The following GRIK2 variants were observed in gnomAD, a reference collection of about 807,000 sequenced individuals.
GRIK2 encodes the protein glutamate receptor ionotropic, kainate 2.
Under a neutral mutation model 100.3 loss-of-function variants are expected in GRIK2, and 32 were observed. The observed-to-expected ratio is 0.32, with a 90% confidence interval of 0.24 to 0.43. The LOEUF (loss-of-function observed/expected upper bound fraction) is 0.43, where lower values mean the gene tolerates loss of function less well. Ranked by LOEUF, GRIK2 falls within the 20% of genes least tolerant of loss-of-function variation. GRIK2 has a pLI of 1.00. For missense variants in GRIK2, 843 were observed against 1,114.9 expected, an observed-to-expected ratio of 0.76 and a Z score of 3.47; for synonymous variants, 417 against 389.4, an observed-to-expected ratio of 1.07 and a Z score of -0.83.
At chr6:101,985,940 T>TAATG (rs1793993729) in intron 14 of GRIK2, among the ~76,000 whole-genome samples, 1 of 151,768 alleles carries the variant, frequency 6.6e-6, no homozygotes, top group African/African-American at 2.4e-5. Flanking sequence ...GAAAATAATA[T>TAATG]AATGTAATAT....
rs182829950 is a variant in GRIK2 at position 101,564,341 on chromosome 6, C to G, written c.116-57608C>G. Among the ~76,000 whole-genome samples the G allele has an allele frequency of 2.6e-5, 4 of 152,282 alleles. No homozygotes were observed. The East Asian group carries it at 5.8e-4, about 22-fold the overall frequency. On this transcript the variant is annotated intron_variant, in intron 2 of 16. Coordinates refer to ENST00000369134, the MANE Select transcript of GRIK2 (RefSeq NM_021956.5). ...AACACTTCTGTAAAAACTTGGGACACTTTCCTACTTCTTCACAGCAAAATT... is the reference window on the plus strand; with the variant it reads ...AACACTTCTGTAAAAACTTGGGACAGTTTCCTACTTCTTCACAGCAAAATT...
At chr6:102,048,102 C>T (rs905023339) in intron 15 of GRIK2, among the ~76,000 whole-genome samples, 7 of 150,760 alleles carry the variant, frequency 4.6e-5, no homozygotes, top group Non-Finnish European at 3.0e-5. Flanking sequence ...TCAAGAACAC[C>T]CAATGGAAAA....
At chr6:101,527,515 G>C (rs776110987) in intron 2 of GRIK2, among the ~76,000 whole-genome samples, 2 of 152,172 alleles carry the variant, frequency 1.3e-5, no homozygotes, top group Non-Finnish European at 2.9e-5. Context: ...TCAATTTTCA[G>C]TTAAAAACGG....
At chr6:101,802,727 A>G (rs55846400) in intron 9 of GRIK2, among the ~76,000 whole-genome samples, 110 of 152,072 alleles carry the variant, frequency 7.2e-4, no homozygotes, top group Middle Eastern at 3.4e-3. Context: ...TATAGCAATT[A>G]GAAAATATTT....
Position 101,490,928 on chromosome 6 carries a change from C to A in GRIK2, c.115+91536C>A, listed in dbSNP as rs996085906. 1.5e-4 allele frequency among the ~76,000 whole-genome samples: 21 copies of A among 138,960 alleles called. 2 individuals are homozygous for A. The highest frequency in any genetic ancestry group is 5.5e-4 in the African/African-American group (20 of 36,468). 91.2% of individuals were successfully genotyped at this position (138,960 alleles called of 152,430 possible). ...GATGATGGAGGGAATAACAGACATG[C>A]ATGCGTGCACATACACACACACCTT... On this transcript the variant is annotated intron_variant, in intron 2 of 16. Transcript: ENST00000369134.
chr6:102,035,702 T>C, intron 15 of GRIK2, 136 bp downstream of exon 15: 1 of 579,810 alleles, frequency 1.7e-6, no homozygotes, highest in Non-Finnish European at 3.2e-6. Context: ...TCTGATTGTA[T>C]AAAAGCAGGT....
chr6:101,756,364 A>C (rs1777134146), intron 7 of GRIK2, among the ~76,000 whole-genome samples: 1 of 79,942 alleles, frequency 1.3e-5, no homozygotes, highest in African/African-American at 7.3e-5. Context: ...TTAGAAAATT[A>C]AGTTTCTTAT....
At chr6:101,849,855 C>T (rs1218446462) in intron 10 of GRIK2, among the ~76,000 whole-genome samples, 3 of 6,476 alleles carry the variant, frequency 4.6e-4, no homozygotes, top group Non-Finnish European at 7.9e-4. Context: ...ACCCTATGTT[C>T]ATTAAGGAAA....
Position 101,697,581 on chromosome 6 carries a change from G to A in GRIK2, c.951+11228G>A, listed in dbSNP as rs191968196. Among the ~76,000 whole-genome samples the A allele has an allele frequency of 2.7e-3, 414 of 152,030 alleles. 8 individuals are homozygous for A. The highest frequency in any genetic ancestry group is 0.023 in the Admixed American group (356 of 15,204). Reference sequence around the variant, plus strand: ...TTTTTTCTCAATGTCAGATCATTTCGTTTTTAAGTTAAAAAGATGGCTTGT... The same window carrying A: ...TTTTTTCTCAATGTCAGATCATTTCATTTTTAAGTTAAAAAGATGGCTTGT... On this transcript the variant is annotated intron_variant, in intron 7 of 16. Coordinates refer to ENST00000369134, the MANE Select transcript of GRIK2 (RefSeq NM_021956.5).
At chr6:101,798,630 C>T (rs1327882575) in intron 7 of GRIK2, among the ~76,000 whole-genome samples, 1 of 151,772 alleles carries the variant, frequency 6.6e-6, no homozygotes, top group East Asian at 1.9e-4. Flanking sequence ...CTACAGGGTT[C>T]CTATTCATTT....
At chr6:101,955,654 G>A (rs899078368) in intron 14 of GRIK2, among the ~76,000 whole-genome samples, 4 of 139,672 alleles carry the variant, frequency 2.9e-5, no homozygotes, top group Admixed American at 7.4e-5. Context: ...GGTAGTTTGT[G>A]TTTTTTAAGG....
chr6:101,466,099 A>G (rs1298522876), intron 2 of GRIK2, among the ~76,000 whole-genome samples: 2 of 152,118 alleles, frequency 1.3e-5, no homozygotes, highest in Non-Finnish European at 2.9e-5. Context: ...GTTGTTTCCA[A>G]AATATTTCCT....
At chr6:101,552,077 GT>G (rs1215333939) in intron 2 of GRIK2, among the ~76,000 whole-genome samples, 1 of 152,080 alleles carries the variant, frequency 6.6e-6, no homozygotes, top group Non-Finnish European at 1.5e-5. Context: ...TGCATGTGTA[GT>G]TTTTTTCAGT....
chr6:101,873,832 T>A (rs1425081449), intron 11 of GRIK2, among the ~76,000 whole-genome samples: 9 of 152,108 alleles, frequency 5.9e-5, no homozygotes, highest in Admixed American at 5.9e-4. Context: ...TGATTTGCAT[T>A]TCTCTGATGG....
intron 7 of GRIK2, among the ~76,000 whole-genome samples, chr6:101,751,828 C>T (rs760391244): frequency 4.6e-5 from 7 of 152,194 alleles, no homozygotes; most frequent in Non-Finnish European, 1.0e-4. Flanking sequence ...AAAATTACTT[C>T]ATAGATGATA....
intron 7 of GRIK2, among the ~76,000 whole-genome samples, chr6:101,779,651 C>T (rs1436802442): frequency 6.6e-6 from 1 of 152,128 alleles, no homozygotes; most frequent in Non-Finnish European, 1.5e-5. Context: ...GCAGGTAGGG[C>T]TGCATTTAGC....
chr6:101,640,907 T>C (rs374989573), intron 4 of GRIK2, among the ~76,000 whole-genome samples: 2 of 152,170 alleles, frequency 1.3e-5, no homozygotes, highest in Non-Finnish European at 2.9e-5. Context: ...AGGCATCATT[T>C]TGTATGTAAA....
chr6:101,602,359 T>C (rs1438141482), intron 2 of GRIK2, among the ~76,000 whole-genome samples: 1 of 151,406 alleles, frequency 6.6e-6, no homozygotes, highest in African/African-American at 2.4e-5. Context: ...ATGTGTTTGG[T>C]CTTAGAGTAT....
At chr6:102,006,544 T>C (rs556417950) in intron 14 of GRIK2, among the ~76,000 whole-genome samples, 1 of 151,846 alleles carries the variant, frequency 6.6e-6, no homozygotes, top group East Asian at 1.9e-4. Flanking sequence ...ATTTTTGTAT[T>C]TTTTATAGAG....
Sources: gnomAD v4.1 joint callset for allele counts (sites outside exome capture counted in the v4.1 genomes callset) on GRCh38, gnomAD v4.1.1 for gene constraint, MANE v1.5 for transcripts, NCBI Gene and HGNC (gene_info 2026-07-23, HGNC 2026-07-21) for gene names.